TBC1D5: variants seen among roughly 807,000 people sequenced by gnomAD.
TBC1D5 encodes the protein TBC1 domain family, member 5.
A neutral mutation model predicts 100.3 loss-of-function variants in TBC1D5; 75 were observed. That is an observed-to-expected ratio of 0.75 (90% CI 0.62 to 0.91). TBC1D5 has a LOEUF of 0.91. Ranked by LOEUF, TBC1D5 falls within the 40% of genes least tolerant of loss-of-function variation. The probability of loss-of-function intolerance (pLI) is 0.00; values close to 1 mark genes in which losing one functional copy is unlikely to be tolerated. For synonymous variants in TBC1D5, 323 were observed against 325.6 expected (o/e 0.99, Z 0.09); for missense variants, 910 against 942.4 (o/e 0.97, Z 0.45).
intron 4 of TBC1D5, among the ~76,000 whole-genome samples, chr3:17,413,004 T>G (rs1388963573): frequency 6.6e-6 from 1 of 152,146 alleles, no homozygotes; most frequent in Non-Finnish European, 1.5e-5. Context: ...ACTGAGAAGA[T>G]AAGTTAACAA....
At chr3:17,452,802 T>C (rs917429724) in intron 3 of TBC1D5, among the ~76,000 whole-genome samples, 2 of 151,930 alleles carry the variant, frequency 1.3e-5, no homozygotes, top group East Asian at 1.9e-4. Context: ...ATCAGCAAAA[T>C]AGAACAAATG....
At chr3:17,697,772 A>C (rs1191274944) in intron 1 of TBC1D5, among the ~76,000 whole-genome samples, 3 of 151,760 alleles carry the variant, frequency 2.0e-5, no homozygotes, top group Non-Finnish European at 2.9e-5. Flanking sequence ...GTTCATGTGG[A>C]ACCAAAACAG....
chr3:17,203,463 A>C (rs1045104359), intron 18 of TBC1D5, among the ~76,000 whole-genome samples: 20 of 152,122 alleles, frequency 1.3e-4, no homozygotes, highest in Admixed American at 1.2e-3. Context: ...TTGAGAAGGG[A>C]GGATTATCTT....
intron 20 of TBC1D5, 143 bp downstream of exon 21, chr3:17,167,606 G>A: frequency 1.5e-6 from 1 of 686,420 alleles, no homozygotes; most frequent in Middle Eastern, 3.3e-4. Flanking sequence ...GCACAAAGAG[G>A]TGGTGATGCA....
At chr3:17,661,504 C>CTT (rs34017083) in intron 1 of TBC1D5, among the ~76,000 whole-genome samples, 13 of 133,398 alleles carry the variant, frequency 9.7e-5, no homozygotes, top group Non-Finnish European at 1.8e-4. Context: ...TCATTAGCAT[C>CTT]TTTTTTTTTT....
intron 1 of TBC1D5, among the ~76,000 whole-genome samples, chr3:17,653,435 A>G (rs1019600387): frequency 6.6e-6 from 1 of 152,102 alleles, no homozygotes; most frequent in Non-Finnish European, 1.5e-5. Context: ...AATAATGTAT[A>G]ACCTCAGTCT....
chr3:17,621,707 C>CTT (rs34228402), intron 2 of TBC1D5, among the ~76,000 whole-genome samples: 9 of 147,848 alleles, frequency 6.1e-5, no homozygotes, highest in African/African-American at 2.2e-4. Context: ...TTCTCGCTAA[C>CTT]TTTTTTTTTT....
At chr3:17,664,212 G>A (rs1388120061) in intron 1 of TBC1D5, among the ~76,000 whole-genome samples, 1 of 152,092 alleles carries the variant, frequency 6.6e-6, no homozygotes, top group Admixed American at 6.5e-5. Context: ...TGGGATTACA[G>A]GCACACACCA....
At chr3:17,175,079 A>G (rs973725353) in intron 19 of TBC1D5, among the ~76,000 whole-genome samples, 1 of 152,244 alleles carries the variant, frequency 6.6e-6, no homozygotes, top group African/African-American at 2.4e-5. Flanking sequence ...TGGTAGGGGC[A>G]GGTGAAGAGA....
upstream of TBC1D5, among the ~76,000 whole-genome samples, chr3:17,741,122 G>C (rs1232124182): frequency 2.0e-5 from 3 of 152,144 alleles, no homozygotes; most frequent in African/African-American, 7.2e-5. Flanking sequence ...CCACTTCCTT[G>C]CTACTCAAAG....
chr3:17,290,740 T>G (rs937563807), intron 15 of TBC1D5, among the ~76,000 whole-genome samples: 1 of 152,194 alleles, frequency 6.6e-6, no homozygotes, highest in African/African-American at 2.4e-5. Context: ...TATGGAACTT[T>G]CAATTTTCAT....
At chr3:17,177,928 T>A (rs144867208) in intron 19 of TBC1D5, among the ~76,000 whole-genome samples, 16 of 152,304 alleles carry the variant, frequency 1.1e-4, no homozygotes, top group African/African-American at 3.8e-4. Context: ...TTCAATTGTT[T>A]TTATTTTTAG....
chr3:17,455,526 A>G (rs376162930), intron 3 of TBC1D5, among the ~76,000 whole-genome samples: 8,889 of 122,888 alleles, frequency 0.072, 532 homozygotes, highest in African/African-American at 0.2. Flanking sequence ...ATATATATAT[A>G]TATATGTGTG....
chr3:17,171,783 T>C (rs114024136), intron 19 of TBC1D5, among the ~76,000 whole-genome samples: 88 of 152,226 alleles, frequency 5.8e-4, no homozygotes, highest in African/African-American at 2.1e-3. Flanking sequence ...GATGAGACAA[T>C]ATTGGACCTA....
At chr3:17,467,371 T>A (rs1450984339) in intron 3 of TBC1D5, among the ~76,000 whole-genome samples, 2 of 151,618 alleles carry the variant, frequency 1.3e-5, no homozygotes, top group African/African-American at 4.9e-5. Context: ...AACGTGCAGG[T>A]TTGTTACATA....
chr3:17,158,962 A>C (rs2065814233), exon 22 of TBC1D5: 1 of 152,394 alleles, frequency 6.6e-6, no homozygotes, highest in South Asian at 2.1e-4. Flanking sequence ...CCAAGGTGAG[A>C]AAGTGACCAA....
In TBC1D5 at chr3:17,164,327, A is replaced by G. The variant is rs1433787669; in HGVS notation, c.2094+2440T>C. 3.3e-5 allele frequency among the ~76,000 whole-genome samples: 5 copies of G among 152,210 alleles called. 1 individual carries two copies. Among genetic ancestry groups the G allele is most frequent in the Non-Finnish European group, 7.3e-5 (5 of 68,038 alleles). On this transcript the variant is annotated intron_variant, in intron 21 of 21. Transcript: ENST00000253692. ...GGCCCTTCTGCACTATCTTTTAGAC[A>G]TTATTTACTGATTAACCAAGAAAGC...
intron 2 of TBC1D5, among the ~76,000 whole-genome samples, chr3:17,546,471 A>C (rs1425667936): frequency 6.6e-6 from 1 of 152,158 alleles, no homozygotes; most frequent in Non-Finnish European, 1.5e-5. Flanking sequence ...ATCTTTATAA[A>C]AAGTAATAGC....
At chr3:17,265,546 G>A (rs918922286) in intron 15 of TBC1D5, among the ~76,000 whole-genome samples, 6 of 152,072 alleles carry the variant, frequency 3.9e-5, no homozygotes, top group East Asian at 1.9e-4. Context: ...GAAAGCAACC[G>A]TCATTAGAAA....
Sources: gnomAD v4.1 joint callset for allele counts (sites outside exome capture counted in the v4.1 genomes callset) on GRCh38, gnomAD v4.1.1 for gene constraint, MANE v1.5 for transcripts, NCBI Gene and HGNC (gene_info 2026-07-23, HGNC 2026-07-21) for gene names.